The following ELAPOR2 variants were observed in gnomAD, a reference collection of about 807,000 sequenced individuals.
ELAPOR2 encodes endosome-lysosome associated apoptosis and autophagy regulator family member 2.
In ELAPOR2, 89 loss-of-function variants were observed where a neutral mutation model predicts 120.7. The observed-to-expected ratio is 0.74, with a 90% confidence interval of 0.62 to 0.88. ELAPOR2 has a LOEUF of 0.88. Among genes scored for constraint, ELAPOR2 ranks in the 40% least tolerant of loss-of-function variants. ELAPOR2 has a pLI of 0.00. For missense variants in ELAPOR2, 1,134 were observed against 1,251.6 expected (o/e 0.91, Z 1.42); for synonymous variants, 444 against 444.9 (o/e 1.00, Z 0.03).
rs537522412 is a variant in ELAPOR2 at position 87,044,677 on chromosome 7, C to T, written c.189+14648G>A. Among the ~76,000 whole-genome samples the T allele has an allele frequency of 2.3e-3, 354 of 152,050 alleles. 7 individuals are homozygous for T. The highest frequency in any genetic ancestry group is 8.3e-3 in the African/African-American group (343 of 41,342). The stretch of plus-strand genomic sequence containing the variant: ...CCCTAGAAGAAAACCTAGGCATTAC[C>T]ATTCAGGACATAGGCACGGGCAAGG... On this transcript the variant is annotated intron_variant, in intron 1 of 21. Transcript: ENST00000450689.
intron 15 of ELAPOR2, among the ~76,000 whole-genome samples, chr7:86,910,562 A>G (rs1243108255): frequency 6.6e-6 from 1 of 152,166 alleles, no homozygotes. Flanking sequence ...CTTAGTTTCA[A>G]TGATGTGTAT....
intron 10 of ELAPOR2, among the ~76,000 whole-genome samples, chr7:86,922,528 CA>C (rs895378194): frequency 1.3e-5 from 2 of 151,932 alleles, no homozygotes; most frequent in African/African-American, 2.4e-5. Context: ...TCAACGCATA[CA>C]TGTTTTTACA....
At chr7:86,958,590 C>A (rs1170543197) in intron 2 of ELAPOR2, among the ~76,000 whole-genome samples, 1 of 152,160 alleles carries the variant, frequency 6.6e-6, no homozygotes, top group African/African-American at 2.4e-5. Context: ...CCACATCCTC[C>A]CTGAGTGCCA....
intron 15 of ELAPOR2, 90 bp downstream of exon 15, chr7:86,911,982 T>C (rs560485315): frequency 1.3e-3 from 1,578 of 1,259,458 alleles, no homozygotes; most frequent in Non-Finnish European, 1.6e-3. Context: ...TTGATATCCA[T>C]AGAGAATTTA....
chr7:86,903,277 C>A (rs1270091000), intron 18 of ELAPOR2, among the ~76,000 whole-genome samples: 1 of 152,182 alleles, frequency 6.6e-6, no homozygotes, highest in Middle Eastern at 3.4e-3. Flanking sequence ...TTTTTCATTT[C>A]TTGATCAAAA....
chr7:86,906,419 A>C (rs1323153127), intron 18 of ELAPOR2, among the ~76,000 whole-genome samples: 1 of 152,144 alleles, frequency 6.6e-6, no homozygotes, highest in African/African-American at 2.4e-5. Flanking sequence ...TGAGAAGTGG[A>C]AACACGCAGT....
chr7:86,929,738 T>C (rs1790241411), intron 8 of ELAPOR2, among the ~76,000 whole-genome samples: 1 of 151,942 alleles, frequency 6.6e-6, no homozygotes, highest in Admixed American at 6.6e-5. Context: ...TTATGTTGAA[T>C]TGTAATCCCC....
chr7:86,877,549 A>T lies in ELAPOR2; in HGVS notation c.*2922T>A, dbSNP rs536644806. 2.0e-5 allele frequency: 3 copies of T among 152,334 alleles called. No individual in the cohort carries two copies. In the East Asian group the frequency reaches 5.8e-4, roughly 29 times the overall value. The allele number at this position is 152,334 out of a possible 1,614,324, so 9.4% of individuals were successfully genotyped here. On this transcript the variant is annotated 3_prime_UTR_variant, in exon 22 of 22. Transcript: ENST00000450689. ...GTCATCCTCTCACAGCAACCCCCAG[A>T]GAAATTTATTTCTATGAGGAAGAGA... is the stretch of plus-strand genomic sequence containing the variant.
chr7:86,929,688 C>A (rs1045478998), intron 8 of ELAPOR2, among the ~76,000 whole-genome samples: 19 of 151,922 alleles, frequency 1.3e-4, no homozygotes, highest in African/African-American at 3.9e-4. Context: ...TTACCTCCTT[C>A]TCCTCTGATA....
intron 1 of ELAPOR2, among the ~76,000 whole-genome samples, chr7:86,980,656 A>T (rs1767712): frequency 0.38 from 57,460 of 151,736 alleles, 11,720 homozygotes; most frequent in African/African-American, 0.53. Flanking sequence ...CAGACTGACA[A>T]GCATGCCTCC....
intron 19 of ELAPOR2, among the ~76,000 whole-genome samples, chr7:86,897,296 T>C (rs1162527918): frequency 6.6e-6 from 1 of 152,124 alleles, no homozygotes; most frequent in Non-Finnish European, 1.5e-5. Context: ...GACTCCCTTA[T>C]CATGATTCAT....
chr7:86,967,239 C>G (rs914513303), intron 1 of ELAPOR2, among the ~76,000 whole-genome samples: 2 of 152,126 alleles, frequency 1.3e-5, no homozygotes, highest in Non-Finnish European at 1.5e-5. Flanking sequence ...GTGGGCAGAT[C>G]ACTTGAGGTC....
At chr7:87,047,397 A>G (rs932253171) in intron 1 of ELAPOR2, among the ~76,000 whole-genome samples, 1 of 152,224 alleles carries the variant, frequency 6.6e-6, no homozygotes, top group Non-Finnish European at 1.5e-5. Context: ...AAGTGAAGAG[A>G]TAACCTACAG....
At chr7:86,932,293 T>G (rs1790362257) in intron 8 of ELAPOR2, among the ~76,000 whole-genome samples, 1 of 151,968 alleles carries the variant, frequency 6.6e-6, no homozygotes, top group African/African-American at 2.4e-5. Flanking sequence ...ATTTGTTCTA[T>G]ATTGACTTCC....
At chr7:87,010,985 C>T (rs983252134) in intron 1 of ELAPOR2, among the ~76,000 whole-genome samples, 2 of 151,668 alleles carry the variant, frequency 1.3e-5, no homozygotes, top group Admixed American at 6.6e-5. Flanking sequence ...GAAAATATAC[C>T]GACCAGGTGC....
intron 2 of ELAPOR2, among the ~76,000 whole-genome samples, chr7:86,949,849 G>A (rs977555022): frequency 2.6e-5 from 4 of 152,206 alleles, no homozygotes; most frequent in Non-Finnish European, 4.4e-5. Flanking sequence ...CTCCTTGACC[G>A]AACAGCCTGG....
intron 1 of ELAPOR2, among the ~76,000 whole-genome samples, chr7:87,041,966 C>T (rs1794802587): frequency 6.6e-6 from 1 of 151,080 alleles, no homozygotes; most frequent in Non-Finnish European, 1.5e-5. Context: ...CAATCCTAGT[C>T]TCTGATAAAA....
Position 86,914,466 on chromosome 7 carries a change from A to G in ELAPOR2, c.1731+257T>C, listed in dbSNP as rs1225940061. Among the ~76,000 whole-genome samples the G allele has an allele frequency of 3.9e-5, 6 of 152,328 alleles. No homozygotes were observed. The South Asian group carries it at 8.3e-4, about 21-fold the overall frequency. Reference sequence around the variant, plus strand: ...ACTGCAAAATTAGATTTTCCTTCTCATAAGTTTCCAAAAACTGTATTTGTT... The same window carrying G: ...ACTGCAAAATTAGATTTTCCTTCTCGTAAGTTTCCAAAAACTGTATTTGTT... On this transcript the variant is annotated intron_variant, in intron 13 of 21. Transcript: ENST00000450689.
chr7:87,056,079 T>G lies in ELAPOR2; in HGVS notation c.189+3246A>C, dbSNP rs563019671. 4.6e-5 allele frequency among the ~76,000 whole-genome samples: 7 copies of G among 152,364 alleles called. No homozygotes were observed. In the South Asian group the frequency reaches 8.3e-4, roughly 18 times the overall value. ...TCTGTTGGCCTTTATATTTTTTTGC[T>G]CTGGCAGCCCCATTAAGTCCTATTA... On this transcript the variant is annotated intron_variant, in intron 1 of 21. Transcript: ENST00000450689.
Sources: allele counts gnomAD v4.1 joint callset (sites outside exome capture counted in the v4.1 genomes callset), GRCh38; gene constraint gnomAD v4.1.1; transcripts MANE v1.5; gene names NCBI Gene and HGNC (gene_info 2026-07-23, HGNC 2026-07-21).